Variants in EMILIN2 observed in about 807,000 individuals in gnomAD.
EMILIN2 encodes the protein EMILIN-2.
EMILIN2 carries 71 observed loss-of-function variants against 87.1 expected under a neutral mutation model. The ratio of observed to expected loss-of-function variants is 0.82; its 90% confidence interval spans 0.67 to 0.99. The LOEUF is 0.99. Among genes scored for constraint, EMILIN2 ranks in the 50% least tolerant of loss-of-function variants. EMILIN2 has a pLI of 0.00. For synonymous variants in EMILIN2, 581 were observed against 563.4 expected (o/e 1.03, Z -0.44); for missense variants, 1,407 against 1,371.8 (o/e 1.03, Z -0.40).
In EMILIN2 at chr18:2,848,630, A is replaced by G. The variant is rs2076588571; in HGVS notation, c.257+699A>G. 6.6e-6 allele frequency among the ~76,000 whole-genome samples: 1 copy of G among 151,464 alleles called. No individual in the cohort carries two copies. The highest frequency in any genetic ancestry group is 2.1e-4 in the South Asian group (1 of 4,814). ...AAAACAGGAAGCAATGCAATAAAGT[A>G]CAAATGCCGTTAAATACATGACACT... On this transcript the variant is annotated intron_variant, in intron 2 of 7. Transcript: ENST00000254528. The surrounding 1 kb of genome is among the most constrained non-coding windows in gnomAD (Gnocchi z 4.1).
Position 2,894,044 on chromosome 18 carries a change from C to T in EMILIN2, c.2359+1558C>T, listed in dbSNP as rs1403855063. Among the ~76,000 whole-genome samples, 2 of 152,170 alleles carry T rather than the reference C, an allele frequency of 1.3e-5. No homozygotes were observed. Among genetic ancestry groups the T allele is most frequent in the South Asian group, 2.1e-4 (1 of 4,832 alleles). ...ATCCTTGCCTTTGGGACTTTTACCTCCCTGACCTGGTTCCGCTCTGGGTGA... is the reference window on the plus strand; with the variant it reads ...ATCCTTGCCTTTGGGACTTTTACCTTCCTGACCTGGTTCCGCTCTGGGTGA... On this transcript the variant is annotated intron_variant, in intron 4 of 7. Transcript: ENST00000254528. The surrounding 1 kb of genome is among the most constrained non-coding windows in gnomAD (Gnocchi z 5.0).
At chr18:2,856,706 G>A (rs553864486) in intron 2 of EMILIN2, among the ~76,000 whole-genome samples, 6 of 152,136 alleles carry the variant, frequency 3.9e-5, no homozygotes, top group Non-Finnish European at 5.9e-5. Flanking sequence ...ATCATTGGCC[G>A]CGTGACTTCT....
rs1247094409 is a variant in EMILIN2, at chr18:2,913,669, C to G, written c.*265C>G. 1 of 425,820 alleles carries G rather than the reference C, an allele frequency of 2.3e-6. No individual in the cohort carries two copies. Among genetic ancestry groups the G allele is most frequent in the Non-Finnish European group, 4.2e-6 (1 of 236,874 alleles). 26.4% of individuals were successfully genotyped at this position (425,820 alleles called of 1,614,324 possible). On this transcript the variant is annotated 3_prime_UTR_variant, in exon 8 of 8. Coordinates refer to ENST00000254528, the MANE Select transcript of EMILIN2 (RefSeq NM_032048.3). ...GACTTGGAAAGGCCTCCACCTGTAT[C>G]TACACTCTGAGGGCCCTGGACTGGG... is the stretch of plus-strand genomic sequence containing the variant.
chr18:2,851,814 A>G (rs1273502493), intron 2 of EMILIN2, among the ~76,000 whole-genome samples: 1 of 152,246 alleles, frequency 6.6e-6, no homozygotes, highest in Non-Finnish European at 1.5e-5. Context: ...TCTATGTGCC[A>G]GGCCCCATGT....
intron 6 of EMILIN2, 113 bp from the exon 7 acceptor site, chr18:2,909,578 A>G: frequency 1.4e-6 from 2 of 1,394,472 alleles, no homozygotes; most frequent in Admixed American, 2.3e-5. Flanking sequence ...ACTTTGGGTG[A>G]AATAAAATGG....
intron 3 of EMILIN2, among the ~76,000 whole-genome samples, chr18:2,889,850 G>T (rs2076825408): frequency 6.6e-6 from 1 of 152,024 alleles, no homozygotes. Context: ...TGCATTCTTT[G>T]ACGTAGTGAA....
At position 2,880,704 on chromosome 18, in the gene EMILIN2, G is replaced by A. The variant is rs1353969853; in HGVS notation, c.258-4260G>A. Among the ~76,000 whole-genome samples, 7 of 152,210 alleles carry A rather than the reference G, an allele frequency of 4.6e-5. No individual in the cohort carries two copies. Among genetic ancestry groups the A allele is most frequent in the Admixed American group, 3.3e-4 (5 of 15,292 alleles). ...GCAGTTAGTTGACTGATTCTGTATC[G>A]AGTGAGCATCTCCCGTGTGCTCACA... is the stretch of plus-strand genomic sequence containing the variant. On this transcript the variant is annotated intron_variant, in intron 2 of 7. Transcript: ENST00000254528. This position sits in a 1 kb window ranked among gnomAD's most constrained non-coding sequence, Gnocchi z 4.1.
In EMILIN2 at chr18:2,914,846, T is replaced by G. The variant is rs974296916; in HGVS notation, c.*1442T>G. ...ACTAAAGGTTTGCCGTTTTACTATT[T>G]AAAATGTGGACCTCTTTGTCCAGGA... On this transcript the variant is annotated 3_prime_UTR_variant, in exon 8 of 8. Transcript: ENST00000254528. The G allele has an allele frequency of 5.3e-5, 8 of 152,240 alleles. No homozygotes were observed. The highest frequency in any genetic ancestry group is 1.0e-4 in the Non-Finnish European group (7 of 68,054). The allele number at this position is 152,240 out of a possible 1,614,324, so 9.4% of individuals were successfully genotyped here.
At chr18:2,882,766 C>A (rs923047888) in intron 2 of EMILIN2, among the ~76,000 whole-genome samples, 1 of 151,838 alleles carries the variant, frequency 6.6e-6, no homozygotes, top group Admixed American at 6.6e-5. Context: ...GCCTGTAATC[C>A]CAGCTACTTG....
chr18:2,868,678 C>T (rs941575914), intron 2 of EMILIN2, among the ~76,000 whole-genome samples: 11 of 152,186 alleles, frequency 7.2e-5, no homozygotes, highest in South Asian at 4.2e-4. Flanking sequence ...CGCCTGCAAT[C>T]GCAGGCACTC....
intron 2 of EMILIN2, among the ~76,000 whole-genome samples, chr18:2,873,573 G>A (rs1051006473): frequency 7.1e-4 from 108 of 151,798 alleles, no homozygotes; most frequent in African/African-American, 2.4e-3. Flanking sequence ...CGGGCGTGGT[G>A]GCGGGCGCCT....
chr18:2,860,552 A>G (rs12961573), intron 2 of EMILIN2, among the ~76,000 whole-genome samples: 1 of 152,128 alleles, frequency 6.6e-6, no homozygotes, highest in South Asian at 2.1e-4. Context: ...CCATGTCCCT[A>G]CAAAGGACAT....
intron 7 of EMILIN2, among the ~76,000 whole-genome samples, chr18:2,910,051 C>T (rs141466965): frequency 0.01 from 1,560 of 152,204 alleles, 9 homozygotes; most frequent in South Asian, 0.02. Context: ...ATTTTCTAGT[C>T]GTGAGGTCAA....
chr18:2,905,998 A>G (rs1426647348), intron 4 of EMILIN2, among the ~76,000 whole-genome samples: 2 of 152,054 alleles, frequency 1.3e-5, no homozygotes, highest in Non-Finnish European at 2.9e-5. Flanking sequence ...GTCCTAAACA[A>G]AAATCAAATG....
rs747892282 is a variant in EMILIN2 at position 2,892,130 on chromosome 18, G to T, written c.2003G>T (p.Ser668Ile). 30 of 1,610,750 alleles carry T rather than the reference G, an allele frequency of 1.9e-5. No homozygotes were observed. The highest frequency in any genetic ancestry group is 2.5e-5 in the Non-Finnish European group (30 of 1,177,744). ...SPQHPVAHCCSQLEERWQRLQ... is the reference protein window; with the variant it reads ...SPQHPVAHCCIQLEERWQRLQ... ...CAGCACCCCGTGGCTCATTGCTGCA[G>T]TCAGCTGGAGGAGAGGTGGCAGAGG... Residue 668 changes from serine (S) to isoleucine (I), a missense_variant, in exon 4 of 8, where the codon AGT (serine) becomes ATT (isoleucine). Coordinates refer to ENST00000254528, the MANE Select transcript of EMILIN2 (RefSeq NM_032048.3).
chr18:2,906,877 G>A lies in EMILIN2; in HGVS notation c.2454G>A (p.Glu818=). The stretch of plus-strand genomic sequence containing the variant: ...GGCCCAGCGGCCCCGCAACCGCAGA[G>A]GACCCTGGGCGACGGCCCGTCCTGC... ...PPRPSGPATA[E]DPGRRPVLPQ... Residue 818 remains glutamate (E), a synonymous_variant, in exon 5 of 8, where the codon GAG becomes GAA. Coordinates refer to ENST00000254528, the MANE Select transcript of EMILIN2 (RefSeq NM_032048.3). 1 of 1,389,198 alleles carries A rather than the reference G, an allele frequency of 7.2e-7. No homozygotes were observed. Among genetic ancestry groups the A allele is most frequent in the South Asian group, 1.6e-5 (1 of 63,772 alleles). The allele number at this position is 1,389,198 out of a possible 1,614,324, so 86.1% of individuals were successfully genotyped here.
chr18:2,886,078 A>G (rs766843147), intron 3 of EMILIN2, among the ~76,000 whole-genome samples: 17 of 152,386 alleles, frequency 1.1e-4, no homozygotes, highest in Admixed American at 2.6e-4. Flanking sequence ...ACATTTTGTT[A>G]TAGAACCTTA....
At chr18:2,846,647 T>A (rs2076574835), upstream of EMILIN2, among the ~76,000 whole-genome samples, 1 of 152,212 alleles carries the variant, frequency 6.6e-6, no homozygotes, top group Non-Finnish European at 1.5e-5. This position sits in a 1 kb window ranked among gnomAD's most constrained non-coding sequence, Gnocchi z 5.3. Flanking sequence ...ATGTCCCTCA[T>A]TCGCCCCGGG....
intron 3 of EMILIN2, among the ~76,000 whole-genome samples, chr18:2,885,567 G>C (rs2076799427): frequency 6.6e-6 from 1 of 152,154 alleles, no homozygotes; most frequent in Admixed American, 6.5e-5. Context: ...CGCCCAGGCT[G>C]GAGTGCAGTG....
Sources: gnomAD v4.1 joint callset for allele counts (sites outside exome capture counted in the v4.1 genomes callset) on GRCh38, gnomAD v4.1.1 for gene constraint, Gnocchi (gnomAD v3.1) non-coding constraint, MANE v1.5 for transcripts, NCBI Gene and HGNC (gene_info 2026-07-23, HGNC 2026-07-21) for gene names.